MUC6: variants seen among roughly 807,000 people sequenced by gnomAD.
MUC6 encodes mucin-6.
Under a neutral mutation model 201.5 loss-of-function variants are expected in MUC6, and 188 were observed. That is an observed-to-expected ratio of 0.93 (90% confidence interval 0.83 to 1.05). MUC6 has a LOEUF of 1.05. MUC6 is among the 50% of genes least tolerant of loss of function. The probability of loss-of-function intolerance (pLI) is 0.00; values close to 1 mark genes in which losing one functional copy is unlikely to be tolerated. For synonymous variants in MUC6, 1,228 were observed against 1,389.4 expected (o/e 0.88, Z 2.58); for missense variants, 2,706 against 3,256.9 (o/e 0.83, Z 4.12).
chr11:1,023,924 C>T lies in MUC6; in HGVS notation c.3382+23G>A, dbSNP rs746979987. 6.8e-6 allele frequency: 11 copies of T among 1,608,870 alleles called. No homozygotes were observed. The East Asian group carries it at 2.2e-4, about 33-fold the overall frequency. ...GCTGGGTGGCAGGGGCTGGAGCAAC[C>T]TGTGGGAGGGGTGGTCACTCACGGC... On this transcript the variant is annotated intron_variant, in intron 25 of 32. Transcript: ENST00000421673.
In MUC6 at chr11:1,025,165, C is replaced by T. The variant is rs1338094706; in HGVS notation, c.2985+17G>A. On this transcript the variant is annotated intron_variant, in intron 23 of 32. Transcript: ENST00000421673. ...GCATCAGGGAGGGCCTGGGAGGAGG[C>T]AGAGGGCGTGCGGTACCTGGGAGGC... The T allele has an allele frequency of 6.2e-7, 1 of 1,610,258 alleles. No homozygotes were observed. The highest frequency in any genetic ancestry group is 8.5e-7 in the Non-Finnish European group (1 of 1,177,670).
At chr11:1,035,508 G>A (rs1031531385) in intron 1 of MUC6, among the ~76,000 whole-genome samples, 8 of 141,648 alleles carry the variant, frequency 5.6e-5, no homozygotes, top group Admixed American at 1.3e-4. Flanking sequence ...GTAGGGAGCG[G>A]GCTCAGAGAC....
In MUC6 at chr11:1,029,555, CAG is replaced by C. The variant is rs749851398; in HGVS notation, c.1074_1075del (p.Val360AlafsTer49). ...GGCATACATGGCGCCGTGGAGCACA[CAG>C]GGGCACTGGGTGACGGGCACGCAGG... is the stretch of plus-strand genomic sequence containing the variant. On this transcript the variant is annotated frameshift_variant, in exon 9 of 33. Coordinates refer to ENST00000421673, the MANE Select transcript of MUC6 (RefSeq NM_005961.3). LOFTEE classifies it high-confidence loss of function. 2.0e-4 allele frequency: 326 copies of C among 1,611,774 alleles called. No homozygotes were observed. The highest frequency in any genetic ancestry group is 6.6e-4 in the Middle Eastern group (4 of 6,072).
chr11:1,016,085 C>T lies in MUC6; in HGVS notation c.6716G>A (p.Ser2239Asn), dbSNP rs367837519. Residue 2239 changes from serine (S) to asparagine (N), a missense_variant, in exon 31 of 33, where the codon AGC (serine) becomes AAC (asparagine). Transcript: ENST00000421673. ...STVTVSPTPS[S>N]HLASSTIAFP... ...TGCAATGGTGCTGGAGGCTAGGTGG[C>T]TGGATGGGGTGGGAGACACGGTAAC... The T allele has an allele frequency of 3.7e-6, 6 of 1,612,410 alleles. No homozygotes were observed. The African/African-American group carries it at 4.0e-5, about 11-fold the overall frequency.
At chr11:1,035,055 G>A (rs1032058500) in intron 1 of MUC6, among the ~76,000 whole-genome samples, 3 of 152,208 alleles carry the variant, frequency 2.0e-5, no homozygotes, top group Non-Finnish European at 2.9e-5. Flanking sequence ...AGCACGAGGC[G>A]GCAGGTGCGC....
intron 5 of MUC6, 37 bp downstream of exon 5, chr11:1,031,132 G>GGC: frequency 7.8e-7 from 1 of 1,282,102 alleles, no homozygotes; most frequent in Middle Eastern, 2.8e-4. Flanking sequence ...CCACCTAGAG[G>GGC]CCCCCCCAGA....
In MUC6 at chr11:1,018,184, T is replaced by C. The variant is rs1438149394; in HGVS notation, c.4617A>G (p.Pro1539=). The change falls in exon 31 of 33, where the codon CCA becomes CCG. Residue 1539 remains proline, a synonymous_variant. Coordinates refer to ENST00000421673, the MANE Select transcript of MUC6 (RefSeq NM_005961.3). ...TSSTHHPEVT[P]TSTTTITPNP... is the part of the protein sequence containing the mutation. Reference sequence around the variant, plus strand: ...TGGGAGTAATCGTGGTAGTAGAAGTTGGGGTGACTTCAGGATGGTGTGTGG... The same window carrying C: ...TGGGAGTAATCGTGGTAGTAGAAGTCGGGGTGACTTCAGGATGGTGTGTGG... The C allele has an allele frequency of 1.2e-6, 2 of 1,613,652 alleles. No homozygotes were observed. The highest frequency in any genetic ancestry group is 4.5e-5 in the East Asian group (2 of 44,850).
chr11:1,018,603 G>T lies in MUC6; in HGVS notation c.4198C>A (p.Pro1400Thr). The stretch of plus-strand genomic sequence containing the variant: ...GAGTGTGTGGTGTGTGGGGTTTGGG[G>T]CGTTGTGTATTCAGTAGTCGTTCTT... The part of the protein sequence containing the change: ...QTRTTTEYTT[P>T]QTPHTTHSPP... The change falls in exon 31 of 33, where the codon CCC becomes ACC. Residue 1400 changes from proline (P) to threonine (T), a missense_variant. This residue lies in a region of MUC6 where 1,850 missense variants were observed against 1,958.3 expected (regional missense o/e 0.94). Coordinates refer to ENST00000421673, the MANE Select transcript of MUC6 (RefSeq NM_005961.3). 1 of 1,613,606 alleles carries T rather than the reference G, an allele frequency of 6.2e-7. No homozygotes were observed. Among genetic ancestry groups the T allele is most frequent in the Admixed American group, 1.7e-5 (1 of 59,990 alleles).
chr11:1,033,297 C>T lies in MUC6; in HGVS notation c.53-222G>A, dbSNP rs1315084976. 3 of 583,518 alleles carry T rather than the reference C, an allele frequency of 5.1e-6. No homozygotes were observed. The highest frequency in any genetic ancestry group is 2.8e-5 in the East Asian group (1 of 35,738). The allele number at this position is 583,518 out of a possible 1,614,324, so 36.1% of individuals were successfully genotyped here. A position where few individuals can be genotyped will look rare whatever the true frequency, so the allele number is the denominator to read the frequency against. The stretch of plus-strand genomic sequence containing the variant: ...CTTCCTTCCCTGCTCTCGTTCACTC[C>T]CTCGTTTGTCCACTCAGTCCCAGTT... On this transcript the variant is annotated intron_variant, in intron 1 of 32. Transcript: ENST00000421673. The surrounding 1 kb of genome is among the most constrained non-coding windows in gnomAD (Gnocchi z 5.6).
intron 8 of MUC6, among the ~76,000 whole-genome samples, 172 bp downstream of exon 8, chr11:1,030,041 G>A (rs1857063406): frequency 6.7e-6 from 1 of 149,306 alleles, no homozygotes; most frequent in Admixed American, 6.6e-5. Flanking sequence ...CCTGCAGGCT[G>A]TAAGCGTCCA....
At chr11:1,024,591 G>A (rs926333474) in intron 24 of MUC6, among the ~76,000 whole-genome samples, 3 of 152,224 alleles carry the variant, frequency 2.0e-5, no homozygotes, top group African/African-American at 4.8e-5. Context: ...CAGGGGACTC[G>A]TGGCACTGTC....
chr11:1,013,510 G>A lies in MUC6; in HGVS notation c.7266C>T (p.Leu2422=). Residue 2422 remains leucine, a synonymous_variant, in exon 33 of 33, where the codon CTC becomes CTT. Transcript: ENST00000421673. Reference sequence around the variant, plus strand: ...CGCAGTGGCTGAACACCTGCAGGGTGAGTACGAGCCGCCGGCCAGGCGTGC... The same window carrying A: ...CGCAGTGGCTGAACACCTGCAGGGTAAGTACGAGCCGCCGGCCAGGCGTGC... ...DPSTPGRRLV[L]TLQVFSHCVC... The A allele has an allele frequency of 6.3e-7, 1 of 1,582,802 alleles. No individual in the cohort carries two copies. The highest frequency in any genetic ancestry group is 2.3e-5 in the East Asian group (1 of 43,058).
In MUC6 at chr11:1,027,825, C is replaced by T. The variant is rs1857002523; in HGVS notation, c.1849-8G>A. 1.9e-6 allele frequency: 3 copies of T among 1,608,298 alleles called. No homozygotes were observed. The highest frequency in any genetic ancestry group is 2.5e-6 in the Non-Finnish European group (3 of 1,178,952). On this transcript the variant is annotated splice_region_variant and splice_polypyrimidine_tract_variant and intron_variant, in intron 15 of 32. Transcript: ENST00000421673. The stretch of plus-strand genomic sequence containing the variant: ...GGCCTGGTACACGCACCTCTGCGGG[C>T]AGAGAGCCAGCATGGGCTGGTGGCA...
At chr11:1,030,123 T>C in intron 8 of MUC6, 90 bp downstream of exon 8, 1 of 1,359,156 alleles carries the variant, frequency 7.4e-7, no homozygotes. Context: ...TGGGGTGACC[T>C]GGGTCGGGGT....
intron 26 of MUC6, among the ~76,000 whole-genome samples, chr11:1,021,829 A>G (rs906970419): frequency 6.6e-6 from 1 of 151,916 alleles, no homozygotes; most frequent in Admixed American, 6.6e-5. Context: ...GGTGCCCTGC[A>G]TTGCCCTCCT....
Position 1,016,634 on chromosome 11 carries a change from C to T in MUC6, c.6167G>A (p.Gly2056Glu), listed in dbSNP as rs1257379400. The T allele has an allele frequency of 6.3e-7, 1 of 1,598,752 alleles. No individual in the cohort carries two copies. Among genetic ancestry groups the T allele is most frequent in the African/African-American group, 1.4e-5 (1 of 71,560 alleles). The change falls in exon 31 of 33, where the codon GGG (glycine) becomes GAG (glutamate). Residue 2056 changes from glycine to glutamate, a missense_variant. By Grantham distance (98) the Gly-to-Glu change is moderately conservative. This residue lies in a region of MUC6 where 20 missense variants were observed against 43.3 expected (regional missense o/e 0.46). Coordinates refer to ENST00000421673, the MANE Select transcript of MUC6 (RefSeq NM_005961.3). ...CATTGGTGGGGCTGTGTGGGTGGAC[C>T]CTGTGGCCTTGAGCGTTGTTGGTGG... Reference protein sequence around the residue: ...VPPPTTLKATGSTHTAPPMTV... With the variant: ...VPPPTTLKATESTHTAPPMTV...
Position 1,033,351 on chromosome 11 carries a change from A to G in MUC6, c.53-276T>C. The G allele has an allele frequency of 1.9e-6, 1 of 537,006 alleles. No homozygotes were observed. Among genetic ancestry groups the G allele is most frequent in the South Asian group, 2.4e-5 (1 of 42,112 alleles). 33.3% of individuals were successfully genotyped at this position (537,006 alleles called of 1,614,324 possible). Reference sequence around the variant, plus strand: ...CCGTCAGCCCCTCGGGGTTCGGCAGATGGCGGGCACCCTGTGTGCAGGGTA... The same window carrying G: ...CCGTCAGCCCCTCGGGGTTCGGCAGGTGGCGGGCACCCTGTGTGCAGGGTA... On this transcript the variant is annotated intron_variant, in intron 1 of 32. Transcript: ENST00000421673. This position sits in a 1 kb window ranked among gnomAD's most constrained non-coding sequence, Gnocchi z 5.6.
chr11:1,023,544 C>T lies in MUC6; in HGVS notation c.3491G>A (p.Ser1164Asn), dbSNP rs1856875676. 6.2e-7 allele frequency: 1 copy of T among 1,603,626 alleles called. No individual in the cohort carries two copies. The highest frequency in any genetic ancestry group is 8.5e-7 in the Non-Finnish European group (1 of 1,175,552). Residue 1164 changes from serine to asparagine, a missense_variant, in exon 26 of 33, where the codon AGC (serine) becomes AAC (asparagine). Physicochemically the swap from Ser to Asn is conservative, Grantham distance 46. Coordinates refer to ENST00000421673, the MANE Select transcript of MUC6 (RefSeq NM_005961.3). Reference sequence around the variant, plus strand: ...GCTGCCTGGGACGCTCTGTGGCTGGCTGGGGCAGAGGCAGGGCTGGTAGTG... The same window carrying T: ...GCTGCCTGGGACGCTCTGTGGCTGGTTGGGGCAGAGGCAGGGCTGGTAGTG... ...TWHYQPCLCP[S>N]QPQSVPGSNI...
In MUC6 at chr11:1,025,264, A is replaced by T; in HGVS notation, c.2903T>A (p.Ile968Asn). Residue 968 changes from isoleucine (I) to asparagine (N), a missense_variant, in exon 23 of 33, where the codon ATC becomes AAC. Physicochemically the swap from Ile to Asn is moderately radical, Grantham distance 149. Around this residue, in one of 10 missense-constraint regions of MUC6, gnomAD observed 1,850 missense variants for 1,958.3 expected, o/e 0.94. Coordinates refer to ENST00000421673, the MANE Select transcript of MUC6 (RefSeq NM_005961.3). Reference protein sequence around the residue: ...TPGALSLVVDISIPGRYNLTL... With the variant: ...TPGALSLVVDNSIPGRYNLTL... ...CAGGTTGTACCTCCCGGGGATGCTG[A>T]TGTCCACGACAAGGCTCAGCGCACC... The T allele has an allele frequency of 6.2e-7, 1 of 1,612,784 alleles. No individual in the cohort carries two copies. The highest frequency in any genetic ancestry group is 8.5e-7 in the Non-Finnish European group (1 of 1,179,854).
Sources: gnomAD v4.1 joint callset for allele counts (sites outside exome capture counted in the v4.1 genomes callset) on GRCh38, gnomAD v4.1.1 for gene constraint, gnomAD v4.1.1 regional missense constraint, Gnocchi (gnomAD v3.1) non-coding constraint, MANE v1.5 for transcripts, NCBI Gene and HGNC (gene_info 2026-07-23, HGNC 2026-07-21) for gene names.